KY: variants seen among roughly 807,000 people sequenced by gnomAD.
KY encodes kyphoscoliosis peptidase.
In KY, 43 loss-of-function variants were observed where a neutral mutation model predicts 76.1. The ratio of observed to expected loss-of-function variants is 0.57; its 90% CI spans 0.44 to 0.73. The LOEUF (loss-of-function observed/expected upper bound fraction) is 0.73, where lower values mean the gene tolerates loss of function less well. Ranked by LOEUF, KY falls within the 30% of genes least tolerant of loss-of-function variation. The pLI, the probability that KY is intolerant of heterozygous loss-of-function variation, is 0.00. For synonymous variants in KY, 277 were observed against 326.2 expected, an observed-to-expected ratio of 0.85 and a Z score of 1.63; for missense variants, 722 against 828.9, an observed-to-expected ratio of 0.87 and a Z score of 1.58.
At chr3:134,606,665 C>A (rs62269593) in intron 10 of KY, among the ~76,000 whole-genome samples, 1 of 152,182 alleles carries the variant, frequency 6.6e-6, no homozygotes, top group Non-Finnish European at 1.5e-5. Context: ...TAGCCTGTTT[C>A]ATTTCCTGCC....
At chr3:134,613,936 T>A (rs1254804369) in intron 8 of KY, among the ~76,000 whole-genome samples, 4 of 152,172 alleles carry the variant, frequency 2.6e-5, no homozygotes, top group African/African-American at 9.7e-5. Context: ...ACACTGTGTA[T>A]AAAGCACTGT....
intron 2 of KY, among the ~76,000 whole-genome samples, chr3:134,643,829 C>CTTTT (rs3064322): frequency 9.8e-5 from 14 of 143,070 alleles, no homozygotes; most frequent in African/African-American, 1.8e-4. Flanking sequence ...TCTCCTGCTT[C>CTTTT]TTTTTTTTTT....
chr3:134,621,517 C>A (rs1396174890), intron 6 of KY, among the ~76,000 whole-genome samples: 1 of 152,224 alleles, frequency 6.6e-6, no homozygotes, highest in East Asian at 1.9e-4. Context: ...TTTCCACATG[C>A]AAAAGAATAA....
intron 8 of KY, among the ~76,000 whole-genome samples, chr3:134,613,533 C>T (rs1204850612): frequency 2.6e-5 from 4 of 152,184 alleles, no homozygotes; most frequent in African/African-American, 4.8e-5. Flanking sequence ...TCTAGAGTGA[C>T]CTTGCCAGGC....
At chr3:134,620,287 G>A (rs990485433) in intron 7 of KY, among the ~76,000 whole-genome samples, 66 of 152,344 alleles carry the variant, frequency 4.3e-4, no homozygotes, top group African/African-American at 1.5e-3. Context: ...AATGTTGCTA[G>A]TGTGGGAGCA....
rs867996977 is a variant in KY, at chr3:134,603,042, A to C, written c.*537T>G. 1 of 152,350 alleles carries C rather than the reference A, an allele frequency of 6.6e-6. No individual in the cohort carries two copies. Among genetic ancestry groups the C allele is most frequent in the South Asian group, 2.1e-4 (1 of 4,830 alleles). 9.4% of individuals were successfully genotyped at this position (152,350 alleles called of 1,614,324 possible). ...TAATGAAGAGGCAGCAGGATGCAGA[A>C]GATGATCAGGTCTGGGAGGAGAAGA... On this transcript the variant is annotated 3_prime_UTR_variant, in exon 11 of 11. Coordinates refer to ENST00000423778, the MANE Select transcript of KY (RefSeq NM_178554.6).
Position 134,600,688 on chromosome 3 carries a change from C to T in KY, c.*2891G>A, listed in dbSNP as rs1958925387. 6.6e-6 allele frequency: 1 copy of T among 152,240 alleles called. No homozygotes were observed. The highest frequency in any genetic ancestry group is 2.1e-4 in the South Asian group (1 of 4,820). 9.4% of individuals were successfully genotyped at this position (152,240 alleles called of 1,614,324 possible). On this transcript the variant is annotated 3_prime_UTR_variant, in exon 11 of 11. Transcript: ENST00000423778. ...CTTTCTGAGTTTGATCGGTTCCAAT[C>T]CTTCAATGGTATAGTAATGAGTGTA...
At chr3:134,628,511 A>G (rs1963766057) in intron 4 of KY, among the ~76,000 whole-genome samples, 1 of 152,234 alleles carries the variant, frequency 6.6e-6, no homozygotes, top group African/African-American at 2.4e-5. Flanking sequence ...GGCTATAAAT[A>G]TAACAAAGAA....
At chr3:134,636,230 T>C (rs773621761) in intron 3 of KY, among the ~76,000 whole-genome samples, 2 of 152,198 alleles carry the variant, frequency 1.3e-5, no homozygotes, top group African/African-American at 2.4e-5. Flanking sequence ...TTATGAATGA[T>C]TTTATCAATC....
At position 134,650,722 on chromosome 3, in the gene KY, A is replaced by C. The variant is rs577738634; in HGVS notation, c.136+103T>G. On this transcript the variant is annotated intron_variant, in intron 1 of 10. Coordinates refer to ENST00000423778, the MANE Select transcript of KY (RefSeq NM_178554.6). The stretch of plus-strand genomic sequence containing the variant: ...ATGGGGGAGAGGGTCGGGTTCGCTG[A>C]CCTCGTTCGGGGGAGCAATGGGCGC... 4.0e-4 allele frequency: 448 copies of C among 1,122,150 alleles called. 2 individuals carry two copies. The African/African-American group carries it at 6.3e-3, about 16-fold the overall frequency. 69.5% of individuals were successfully genotyped at this position (1,122,150 alleles called of 1,614,324 possible).
intron 4 of KY, chr3:134,628,173 C>A: frequency 3.7e-6 from 1 of 273,674 alleles, no homozygotes; most frequent in Non-Finnish European, 7.1e-6. Flanking sequence ...GAATCCACTG[C>A]CAGATAATGC....
At chr3:134,610,889 T>G (rs1445122174) in intron 8 of KY, among the ~76,000 whole-genome samples, 1 of 152,188 alleles carries the variant, frequency 6.6e-6, no homozygotes, top group East Asian at 1.9e-4. Flanking sequence ...TGAGGTGTTG[T>G]GGGGTTGCTG....
In KY at chr3:134,620,885, T is replaced by A. The variant is rs115592109; in HGVS notation, c.484-28A>T. The stretch of plus-strand genomic sequence containing the variant: ...GGGGAGCAGGAAGGGTGTGCTGTAT[T>A]AGGGCCTCGAGGAGGGGCTGTTGGG... On this transcript the variant is annotated intron_variant, in intron 6 of 10. Coordinates refer to ENST00000423778, the MANE Select transcript of KY (RefSeq NM_178554.6). 2.2e-5 allele frequency: 32 copies of A among 1,444,680 alleles called. No individual in the cohort carries two copies. In the African/African-American group the frequency reaches 3.9e-4, roughly 18 times the overall value. The allele number at this position is 1,444,680 out of a possible 1,614,324, so 89.5% of individuals were successfully genotyped here.
In KY at chr3:134,636,607, A is replaced by C. The variant is rs935038544; in HGVS notation, c.262+6709T>G. On this transcript the variant is annotated intron_variant, in intron 3 of 10. Transcript: ENST00000423778. Reference sequence around the variant, plus strand: ...GCCAACCCACCAGCTGACAACAAGCACATGAGCAAGCCCACCCAAGACCCA... The same window carrying C: ...GCCAACCCACCAGCTGACAACAAGCCCATGAGCAAGCCCACCCAAGACCCA... 3.9e-5 allele frequency among the ~76,000 whole-genome samples: 6 copies of C among 152,378 alleles called. No homozygotes were observed. The East Asian group carries it at 1.2e-3, about 29-fold the overall frequency.
intron 8 of KY, among the ~76,000 whole-genome samples, chr3:134,614,461 T>A (rs1961130670): frequency 6.6e-6 from 1 of 152,150 alleles, no homozygotes; most frequent in East Asian, 1.9e-4. Context: ...TGGAGAAAGC[T>A]GCAGCCCCCA....
At chr3:134,629,487 G>T in intron 4 of KY, 134 bp downstream of exon 4, 1 of 657,418 alleles carries the variant, frequency 1.5e-6, no homozygotes, top group Non-Finnish European at 2.7e-6. Context: ...TCATGCTTCT[G>T]CCTTTTCCCA....
intron 10 of KY, chr3:134,606,998 G>T (rs1959295390): frequency 1.0e-6 from 1 of 982,812 alleles, no homozygotes; most frequent in Non-Finnish European, 1.2e-6. Context: ...CTGTACATAA[G>T]TATCAGATAT....
intron 8 of KY, among the ~76,000 whole-genome samples, chr3:134,612,071 C>T (rs1274274478): frequency 6.6e-6 from 1 of 152,200 alleles, no homozygotes; most frequent in African/African-American, 2.4e-5. Flanking sequence ...GCCTTAACCT[C>T]TGCTCACCTG....
rs903242612 is a variant in KY, at chr3:134,602,766, T to C, written c.*813A>G. ...CTGAACTACCTGCCCTGTGTACTCC[T>C]CTCAGAGCAGAGCTGGAGGTCTTAC... is the stretch of plus-strand genomic sequence containing the variant. On this transcript the variant is annotated 3_prime_UTR_variant, in exon 11 of 11. Coordinates refer to ENST00000423778, the MANE Select transcript of KY (RefSeq NM_178554.6). 6.6e-6 allele frequency among the ~76,000 whole-genome samples: 1 copy of C among 152,108 alleles called. No individual in the cohort carries two copies. The highest frequency in any genetic ancestry group is 1.5e-5 in the Non-Finnish European group (1 of 68,004).
Sources: allele counts gnomAD v4.1 joint callset (sites outside exome capture counted in the v4.1 genomes callset), GRCh38; gene constraint gnomAD v4.1.1; transcripts MANE v1.5; gene names NCBI Gene and HGNC (gene_info 2026-07-23, HGNC 2026-07-21).